The following WNT7B variants were observed in gnomAD, a reference collection of about 807,000 sequenced individuals.
The protein encoded by WNT7B is Wnt family member 7B, also known as protein Wnt-7b.
In WNT7B, 19 loss-of-function variants were observed where a neutral mutation model predicts 38.2. The ratio of observed to expected loss-of-function variants is 0.50; its 90% CI spans 0.35 to 0.73. The LOEUF is 0.73. Ranked by LOEUF, WNT7B falls within the 30% of genes least tolerant of loss-of-function variation. The probability of loss-of-function intolerance (pLI) is 0.01; values close to 1 mark genes in which losing one functional copy is unlikely to be tolerated. For missense variants in WNT7B, 423 were observed against 507.9 expected (o/e 0.83, Z 1.61); for synonymous variants, 243 against 209.3 (o/e 1.16, Z -1.39).
chr22:45,931,013 A>G, intron 3 of WNT7B, 85 bp downstream of exon 3: 1 of 1,455,844 alleles, frequency 6.9e-7, no homozygotes, highest in Admixed American at 2.5e-5. Context: ...TGCTTCTGCT[A>G]GAAGAGGAGC....
intron 2 of WNT7B, among the ~76,000 whole-genome samples, chr22:45,932,849 C>T (rs2146715324): frequency 6.6e-6 from 1 of 152,338 alleles, no homozygotes; most frequent in Non-Finnish European, 1.5e-5. Flanking sequence ...TGGCATGGTG[C>T]AGTCCCCTGC....
At chr22:45,972,416 G>A in intron 1 of WNT7B, 1 of 266,206 alleles carries the variant, frequency 3.8e-6, no homozygotes, top group Non-Finnish European at 7.0e-6. Flanking sequence ...GGCCGCGCAT[G>A]GCGCTGGGTC....
intron 2 of WNT7B, among the ~76,000 whole-genome samples, chr22:45,934,042 C>T (rs894410869): frequency 2.0e-5 from 3 of 152,352 alleles, no homozygotes; most frequent in South Asian, 2.1e-4. Context: ...CCACATGCGC[C>T]GGGCGCACAC....
intron 2 of WNT7B, among the ~76,000 whole-genome samples, chr22:45,948,901 A>G (rs367705514): frequency 2.4e-4 from 33 of 136,768 alleles, no homozygotes; most frequent in African/African-American, 7.1e-4. Context: ...CTGGAGTACA[A>G]TGGTGCCATC....
intron 2 of WNT7B, among the ~76,000 whole-genome samples, chr22:45,945,617 C>T (rs1263703052): frequency 2.6e-5 from 4 of 152,246 alleles, no homozygotes; most frequent in Admixed American, 6.5e-5. Context: ...GTGAAGAATC[C>T]AGCCCTCGAG....
intron 1 of WNT7B, among the ~76,000 whole-genome samples, chr22:45,952,059 T>G (rs939981371): frequency 1.3e-5 from 2 of 152,078 alleles, no homozygotes; most frequent in Non-Finnish European, 2.9e-5. Flanking sequence ...AACAGTGGGT[T>G]TCAGCACAGC....
rs1932294979 is a variant in WNT7B at position 45,965,614 on chromosome 22, G to T, written c.71+11070C>A. Among the ~76,000 whole-genome samples, 1 of 152,148 alleles carries T rather than the reference G, an allele frequency of 6.6e-6. No individual in the cohort carries two copies. Among genetic ancestry groups the T allele is most frequent in the South Asian group, 2.1e-4 (1 of 4,832 alleles). ...CCAGGAACAGGACCTGGGCATCCAG[G>T]ACCACACACATGCTGACCCAACAAA... On this transcript the variant is annotated intron_variant, in intron 1 of 3. Coordinates refer to ENST00000339464, the MANE Select transcript of WNT7B (RefSeq NM_058238.3). This position sits in a 1 kb window ranked among gnomAD's most constrained non-coding sequence, Gnocchi z 6.5.
chr22:45,935,937 C>T (rs1931504282), intron 2 of WNT7B: 1 of 985,316 alleles, frequency 1.0e-6, no homozygotes, highest in Non-Finnish European at 1.2e-6. Context: ...TGCTGGTACA[C>T]TTGGGTCTCG....
chr22:45,922,993 C>T lies in WNT7B; in HGVS notation c.913G>A (p.Asp305Asn), dbSNP rs1930971671. The change falls in exon 4 of 4, where the codon GAC (aspartate) becomes AAC (asparagine). Residue 305 changes from aspartate to asparagine, a missense_variant. This residue lies in a region of WNT7B where 158 missense variants were observed against 214.7 expected (regional missense o/e 0.74). Coordinates refer to ENST00000339464, the MANE Select transcript of WNT7B (RefSeq NM_058238.3). ...NRTSPGADGC[D>N]TMCCGRGYNT... ...TAGCCTCGGCCGCAGCACATGGTGT[C>T]ACAGCCGTCCGCGCCGGGCGACGTG... 3 of 1,613,140 alleles carry T rather than the reference C, an allele frequency of 1.9e-6. No homozygotes were observed. The highest frequency in any genetic ancestry group is 2.5e-6 in the Non-Finnish European group (3 of 1,179,800).
intron 1 of WNT7B, among the ~76,000 whole-genome samples, chr22:45,954,507 A>C (rs1471919600): frequency 6.6e-6 from 1 of 152,222 alleles, no homozygotes; most frequent in African/African-American, 2.4e-5. Flanking sequence ...AGGGGATGCG[A>C]GAGGCCCACC....
intron 3 of WNT7B, among the ~76,000 whole-genome samples, chr22:45,929,956 TCATACATCTATC>T (rs1931280610): frequency 6.7e-6 from 1 of 149,966 alleles, no homozygotes; most frequent in African/African-American, 2.5e-5. Flanking sequence ...ATCCATCCAC[TCATACATCTATC>T]CATCCATCCA....
chr22:45,954,600 G>A (rs546623353), intron 1 of WNT7B: 1 of 985,364 alleles, frequency 1.0e-6, no homozygotes, highest in East Asian at 1.1e-4. Flanking sequence ...GCCCCCAGCA[G>A]CCCCCTGCGT....
At chr22:45,928,308 C>T (rs1931158926) in intron 3 of WNT7B, among the ~76,000 whole-genome samples, 1 of 152,136 alleles carries the variant, frequency 6.6e-6, no homozygotes, top group African/African-American at 2.4e-5. Flanking sequence ...GTTCCAAAGC[C>T]CCACCCTACA....
chr22:45,931,385 G>A lies in WNT7B; in HGVS notation c.299-16C>T. ...TCACGGCTCCCTGCGGGGACAGACA[G>A]GTGCAGAAGGTGAGACCCCAGGCCC... On this transcript the variant is annotated splice_polypyrimidine_tract_variant and intron_variant, in intron 2 of 3. Coordinates refer to ENST00000339464, the MANE Select transcript of WNT7B (RefSeq NM_058238.3). 1.3e-6 allele frequency: 2 copies of A among 1,569,428 alleles called. No individual in the cohort carries two copies. Among genetic ancestry groups the A allele is most frequent in the Middle Eastern group, 2.1e-4 (1 of 4,800 alleles).
intron 3 of WNT7B, among the ~76,000 whole-genome samples, chr22:45,930,381 C>T (rs1349774403): frequency 6.6e-6 from 1 of 152,238 alleles, no homozygotes; most frequent in East Asian, 1.9e-4. Flanking sequence ...TGGGTGCAGC[C>T]CCCAGGCCTC....
At position 45,976,676 on chromosome 22, in the gene WNT7B, G is replaced by T. The variant is rs941807904; in HGVS notation, c.71+8C>A. On this transcript the variant is annotated splice_region_variant and intron_variant, in intron 1 of 3. Transcript: ENST00000339464. The surrounding 1 kb of genome is among the most constrained non-coding windows in gnomAD (Gnocchi z 8.5). ...CCTGGCTGCTGCCCTCGCCCACGGG[G>T]TACTCACCCGAGCTTCACGTACAGG... 1 of 1,606,598 alleles carries T rather than the reference G, an allele frequency of 6.2e-7. No individual in the cohort carries two copies. The highest frequency in any genetic ancestry group is 1.3e-5 in the African/African-American group (1 of 74,574).
Position 45,922,794 on chromosome 22 carries a change from G to C in WNT7B, c.*62C>G. The C allele has an allele frequency of 6.5e-7, 1 of 1,549,850 alleles. No homozygotes were observed. Among genetic ancestry groups the C allele is most frequent in the South Asian group, 1.2e-5 (1 of 81,316 alleles). Reference sequence around the variant, plus strand: ...GGCAGCACCAAGGCAGGGAAGGTGAGGAGTGGATGTGCAAAATGCCGCCGG... The same window carrying C: ...GGCAGCACCAAGGCAGGGAAGGTGACGAGTGGATGTGCAAAATGCCGCCGG... On this transcript the variant is annotated 3_prime_UTR_variant, in exon 4 of 4. Coordinates refer to ENST00000339464, the MANE Select transcript of WNT7B (RefSeq NM_058238.3).
intron 3 of WNT7B, among the ~76,000 whole-genome samples, chr22:45,924,304 C>T (rs1931012498): frequency 6.6e-6 from 1 of 152,136 alleles, no homozygotes; most frequent in South Asian, 2.1e-4. Flanking sequence ...TGGAGAAGTC[C>T]CCCAGAAAAT....
intron 1 of WNT7B, among the ~76,000 whole-genome samples, chr22:45,967,076 G>A (rs775634092): frequency 5.3e-5 from 8 of 152,212 alleles, no homozygotes; most frequent in Non-Finnish European, 7.3e-5. Flanking sequence ...GGCTGAGTGG[G>A]AAGACAAGGA....
Sources: allele counts gnomAD v4.1 joint callset (sites outside exome capture counted in the v4.1 genomes callset), GRCh38; gene constraint gnomAD v4.1.1; regional missense constraint gnomAD v4.1.1; non-coding constraint Gnocchi (gnomAD v3.1); transcripts MANE v1.5; gene names NCBI Gene and HGNC (gene_info 2026-07-23, HGNC 2026-07-21).